LGSN: variants seen among roughly 807,000 people sequenced by gnomAD.
LGSN encodes lengsin, lens protein with glutamine synthetase domain, also known as lengsin.
Under a neutral mutation model 19.5 loss-of-function variants are expected in LGSN, and 21 were observed. That is an observed-to-expected ratio of 1.07 (90% CI 0.76 to 1.55). The LOEUF is 1.55. Ranked by LOEUF, LGSN falls within the 40% of genes most tolerant of loss-of-function variation. The pLI is 0.00. For synonymous variants in LGSN, 257 were observed against 215.6 expected, an observed-to-expected ratio of 1.19 and a Z score of -1.68; for missense variants, 673 against 608.5, an observed-to-expected ratio of 1.11 and a Z score of -1.12.
chr6:63,287,156 A>G (rs1446053845), intron 2 of LGSN, among the ~76,000 whole-genome samples: 3 of 151,304 alleles, frequency 2.0e-5, no homozygotes, highest in Admixed American at 6.5e-5. Context: ...TGGGAAAAAC[A>G]AATTACTGTT....
chr6:63,311,028 G>A (rs778294848), intron 1 of LGSN, among the ~76,000 whole-genome samples: 4 of 152,144 alleles, frequency 2.6e-5, no homozygotes, highest in Admixed American at 6.5e-5. Context: ...AAACACAATT[G>A]CCATGACGTT....
the LGSN span, among the ~76,000 whole-genome samples, chr6:63,467,957 G>A: frequency 6.6e-6 from 1 of 152,098 alleles, no homozygotes; most frequent in South Asian, 2.1e-4. Context: ...CTCACTAAGT[G>A]CTGAAATTAC....
At chr6:63,495,347 G>A in the LGSN span, among the ~76,000 whole-genome samples, 1 of 151,766 alleles carries the variant, frequency 6.6e-6, no homozygotes, top group Non-Finnish European at 1.5e-5. Context: ...CAGTTAGCAA[G>A]TAGCAGAGAA....
the LGSN span, among the ~76,000 whole-genome samples, chr6:63,420,246 T>C: frequency 0.39 from 58,581 of 151,618 alleles, 11,897 homozygotes; most frequent in African/African-American, 0.51. Flanking sequence ...ACTCCTAGAC[T>C]TTTCCCTTCT....
chr6:63,562,117 T>C, the LGSN span, among the ~76,000 whole-genome samples: 1 of 146,182 alleles, frequency 6.8e-6, no homozygotes, highest in Non-Finnish European at 1.5e-5. Flanking sequence ...TTTTAGTTTA[T>C]TTCTTTCTAT....
chr6:63,412,709 GGGAA>G, the LGSN span, among the ~76,000 whole-genome samples: 55 of 65,236 alleles, frequency 8.4e-4, 1 homozygote, highest in Admixed American at 6.6e-3. Context: ...GAAAGAAAGA[GGGAA>G]GGAAGGAAAG....
the LGSN span, among the ~76,000 whole-genome samples, chr6:63,517,761 C>T: frequency 6.6e-6 from 1 of 152,122 alleles, no homozygotes; most frequent in Non-Finnish European, 1.5e-5. Context: ...TAAGGAGCAG[C>T]CTTCCTCTGC....
chr6:63,557,841 G>C, the LGSN span, among the ~76,000 whole-genome samples: 1 of 152,020 alleles, frequency 6.6e-6, no homozygotes, highest in Admixed American at 6.6e-5. Flanking sequence ...AGGATTTTGA[G>C]AAAGAGGATA....
At chr6:63,306,057 ACT>A (rs749628745) in intron 1 of LGSN, among the ~76,000 whole-genome samples, 3 of 150,592 alleles carry the variant, frequency 2.0e-5, no homozygotes, top group Non-Finnish European at 3.0e-5. Context: ...ACAGAGTGAG[ACT>A]CTGTCTCAAC....
intron 1 of LGSN, among the ~76,000 whole-genome samples, chr6:63,298,145 A>G (rs1361230458): frequency 6.6e-6 from 1 of 152,194 alleles, no homozygotes; most frequent in African/African-American, 2.4e-5. Context: ...TGGGATTTGA[A>G]GTAGAGCTTC....
At chr6:63,571,019 T>A in the LGSN span, 8 of 152,202 alleles carry the variant, frequency 5.3e-5, no homozygotes, top group Non-Finnish European at 1.0e-4. Context: ...CTTTTTTAAA[T>A]CATTTATTTG....
the LGSN span, among the ~76,000 whole-genome samples, chr6:63,492,658 T>G: frequency 1.5e-4 from 23 of 152,208 alleles, no homozygotes; most frequent in African/African-American, 5.3e-4. Context: ...GCCTTGACAT[T>G]TAAGGCAACC....
rs749286541 is a variant in LGSN at position 63,280,775 on chromosome 6, G to A, written c.776C>T (p.Ser259Phe). Residue 259 changes from serine (S) to phenylalanine (F), a missense_variant, in exon 4 of 4, where the codon TCC becomes TTC. Ser to Phe is a radical substitution (Grantham distance 155). Coordinates refer to ENST00000370657, the MANE Select transcript of LGSN (RefSeq NM_016571.3). ...TTCCATCTGACCAGGCCTGGTAGAG[G>A]AGGAAAAACTCTCGACATTGGCTCC... is the stretch of plus-strand genomic sequence containing the variant. ...HTGANVESFS[S>F]STRPGQMEIS... 2 of 1,614,146 alleles carry A rather than the reference G, an allele frequency of 1.2e-6. No individual in the cohort carries two copies. The highest frequency in any genetic ancestry group is 1.7e-5 in the Admixed American group (1 of 60,024).
the LGSN span, among the ~76,000 whole-genome samples, chr6:63,360,604 C>T: frequency 6.6e-6 from 1 of 152,150 alleles, no homozygotes; most frequent in Admixed American, 6.6e-5. Context: ...GTTCGAACTT[C>T]CTCCTTTAGC....
At chr6:63,346,035 T>C in the LGSN span, among the ~76,000 whole-genome samples, 2 of 152,240 alleles carry the variant, frequency 1.3e-5, no homozygotes, top group Non-Finnish European at 2.9e-5. Context: ...TGTGATATTG[T>C]GACATCGGAA....
At chr6:63,443,156 C>G in the LGSN span, among the ~76,000 whole-genome samples, 2 of 152,204 alleles carry the variant, frequency 1.3e-5, no homozygotes, top group Non-Finnish European at 2.9e-5. Context: ...TGCTGGGGGA[C>G]CCGGTGCCCC....
At chr6:63,330,012 C>G in the LGSN span, among the ~76,000 whole-genome samples, 1 of 152,142 alleles carries the variant, frequency 6.6e-6, no homozygotes, top group South Asian at 2.1e-4. Flanking sequence ...GTTAAACATA[C>G]CCGGGGCTCA....
the LGSN span, among the ~76,000 whole-genome samples, chr6:63,476,549 G>A: frequency 2.6e-5 from 4 of 152,294 alleles, no homozygotes; most frequent in African/African-American, 9.6e-5. Flanking sequence ...CAAGGCAGTC[G>A]GTGCTGGCTT....
At chr6:63,478,040 T>C in the LGSN span, among the ~76,000 whole-genome samples, 2 of 152,126 alleles carry the variant, frequency 1.3e-5, no homozygotes, top group South Asian at 4.1e-4. Flanking sequence ...GTATTCTGTA[T>C]TCTTGAACTG....
Sources: gnomAD v4.1 joint callset for allele counts (sites outside exome capture counted in the v4.1 genomes callset) on GRCh38, gnomAD v4.1.1 for gene constraint, MANE v1.5 for transcripts, NCBI Gene and HGNC (gene_info 2026-07-23, HGNC 2026-07-21) for gene names.